IQCK: variants seen among roughly 807,000 people sequenced by gnomAD.
IQCK encodes IQ motif containing K.
IQCK carries 29 observed loss-of-function variants against 28.1 expected under a neutral mutation model. That is an observed-to-expected ratio of 1.03 (90% CI 0.77 to 1.41). IQCK has a LOEUF of 1.41. Ranked by LOEUF, IQCK falls within the 40% of genes most tolerant of loss-of-function variation. The pLI is 0.00. For synonymous variants in IQCK, 113 were observed against 115.1 expected (o/e 0.98, Z 0.12); for missense variants, 359 against 314.7 (o/e 1.14, Z -1.07).
At chr16:19,781,689 C>T (rs9933567) in intron 6 of IQCK, among the ~76,000 whole-genome samples, 51,995 of 152,040 alleles carry the variant, frequency 0.34, 13,929 homozygotes, top group African/African-American at 0.75. Flanking sequence ...AGTTTGTAAG[C>T]CAATAATGTG....
chr16:19,724,063 C>T (rs966311893), intron 1 of IQCK, among the ~76,000 whole-genome samples: 1 of 152,110 alleles, frequency 6.6e-6, no homozygotes, highest in African/African-American at 2.4e-5. Context: ...ACAAGCACTT[C>T]GGTACCACTG....
At chr16:19,856,315 A>G (rs1333046226) in intron 9 of IQCK, among the ~76,000 whole-genome samples, 172 bp from the exon 9 acceptor site, 1 of 152,210 alleles carries the variant, frequency 6.6e-6, no homozygotes, top group Non-Finnish European at 1.5e-5. Context: ...TTAGAGCACA[A>G]TGGGCCTGTG....
chr16:19,764,165 A>C (rs889238320), intron 6 of IQCK, 53 bp downstream of exon 6: 4 of 1,415,990 alleles, frequency 2.8e-6, no homozygotes, highest in Non-Finnish European at 3.9e-6. Context: ...AGATTGTGTT[A>C]ATAATACTTT....
At position 19,786,969 on chromosome 16, in the gene IQCK, C is replaced by G. The variant is rs9932938; in HGVS notation, c.606-1869C>G. Among the ~76,000 whole-genome samples, 205 of 77,712 alleles carry G rather than the reference C, an allele frequency of 2.6e-3. 3 individuals carry two copies. The African/African-American group carries it at 0.027, about 10-fold the overall frequency. The allele number at this position is 77,712 out of a possible 152,430, so 51.0% of individuals were successfully genotyped here. A position where few individuals can be genotyped will look rare whatever the true frequency, so the allele number is the denominator to read the frequency against. On this transcript the variant is annotated intron_variant, in intron 6 of 7. Transcript: ENST00000564186. Reference sequence around the variant, plus strand: ...GTCTCTTAGAAAGGACCTGTCCAGCCAGAAAATCAGAGCCTGGCAAAAGCA... The same window carrying G: ...GTCTCTTAGAAAGGACCTGTCCAGCGAGAAAATCAGAGCCTGGCAAAAGCA...
chr16:19,742,125 T>C (rs2054844770), intron 4 of IQCK, among the ~76,000 whole-genome samples: 2 of 152,130 alleles, frequency 1.3e-5, no homozygotes, highest in African/African-American at 4.8e-5. Flanking sequence ...CTCAGTTTCC[T>C]CAACTATTGA....
At chr16:19,747,059 A>G (rs888954610) in intron 4 of IQCK, among the ~76,000 whole-genome samples, 1 of 152,238 alleles carries the variant, frequency 6.6e-6, no homozygotes, top group Non-Finnish European at 1.5e-5. Flanking sequence ...CAGAAGGATC[A>G]TTGAGCTCAG....
At chr16:19,839,937 C>T (rs765000267) in intron 9 of IQCK, among the ~76,000 whole-genome samples, 14 of 151,392 alleles carry the variant, frequency 9.2e-5, no homozygotes, top group South Asian at 2.1e-4. Flanking sequence ...TTGAGGCTGC[C>T]GTGAGCTATG....
chr16:19,806,156 A>G (rs934472504), intron 7 of IQCK, among the ~76,000 whole-genome samples: 3 of 152,220 alleles, frequency 2.0e-5, no homozygotes, highest in African/African-American at 7.2e-5. Flanking sequence ...GGAAAAGCAC[A>G]TGCAAAGGCC....
At chr16:19,751,442 C>T (rs1164438003) in intron 4 of IQCK, among the ~76,000 whole-genome samples, 5 of 151,962 alleles carry the variant, frequency 3.3e-5, no homozygotes, top group African/African-American at 1.2e-4. Flanking sequence ...CACACCACTG[C>T]ACTCCAGCTT....
intron 2 of IQCK, among the ~76,000 whole-genome samples, chr16:19,730,715 G>GTCTATCTATCTA (rs60935548): frequency 1.3e-5 from 2 of 150,216 alleles, no homozygotes; most frequent in African/African-American, 5.0e-5. Flanking sequence ...GCGTTTGTCT[G>GTCTATCTATCTA]TCTATCTATC....
At position 19,807,887 on chromosome 16, in the gene IQCK, G is replaced by C. The variant is rs182530646; in HGVS notation, c.690+18965G>C. Among the ~76,000 whole-genome samples the C allele has an allele frequency of 1.3e-3, 204 of 152,270 alleles. 2 individuals carry two copies. Among genetic ancestry groups the C allele is most frequent in the Middle Eastern group, 0.01 (3 of 294 alleles). ...TATTAGCTCTGTATTGGCTGGGTCT[G>C]ATCCATGCATTTTCTCCCTAAGAAT... is the stretch of plus-strand genomic sequence containing the variant. On this transcript the variant is annotated intron_variant, in intron 7 of 7. Transcript: ENST00000564186.
At chr16:19,732,588 A>G (rs977391320) in intron 2 of IQCK, among the ~76,000 whole-genome samples, 4 of 152,166 alleles carry the variant, frequency 2.6e-5, no homozygotes, top group Non-Finnish European at 4.4e-5. Context: ...TTCCTCCCAA[A>G]GTACTGGGAC....
chr16:19,793,650 T>TG lies in IQCK; in HGVS notation c.690+4728_690+4729insG, dbSNP rs1275904690. On this transcript the variant is annotated intron_variant, in intron 7 of 7. Transcript: ENST00000564186. ...TATCGAAATCTCAGTTGGGTTTTTT[T>TG]TTTTTTTTTTTTTTTTTTTTTTTGT... is the stretch of plus-strand genomic sequence containing the variant. Among the ~76,000 whole-genome samples the TG allele has an allele frequency of 9.9e-4, 121 of 121,724 alleles. 4 individuals carry two copies. The highest frequency in any genetic ancestry group is 4.0e-3 in the African/African-American group (110 of 27,176). The allele number at this position is 121,724 out of a possible 152,430, so 79.9% of individuals were successfully genotyped here. A position where few individuals can be genotyped will look rare whatever the true frequency, so the allele number is the denominator to read the frequency against.
chr16:19,760,133 A>T (rs4780827), intron 4 of IQCK, among the ~76,000 whole-genome samples: 8 of 152,298 alleles, frequency 5.3e-5, no homozygotes, highest in Admixed American at 4.6e-4. Context: ...CTAAAATTTT[A>T]AAAAATATAT....
intron 7 of IQCK, among the ~76,000 whole-genome samples, chr16:19,823,085 T>G (rs1369648427): frequency 6.6e-6 from 1 of 152,052 alleles, no homozygotes; most frequent in Admixed American, 6.6e-5. Flanking sequence ...GTTTGTGTCC[T>G]AAGATGGTGG....
intron 1 of IQCK, among the ~76,000 whole-genome samples, chr16:19,721,066 A>G (rs1329384431): frequency 1.3e-5 from 2 of 152,184 alleles, no homozygotes; most frequent in Non-Finnish European, 2.9e-5. Flanking sequence ...ATACACATGG[A>G]CACTGTGATG....
chr16:19,761,494 T>C, intron 4 of IQCK: 1 of 445,730 alleles, frequency 2.2e-6, no homozygotes, highest in South Asian at 1.6e-5. Flanking sequence ...GCATCTTTCT[T>C]CTTGGGAAGG....
chr16:19,849,165 G>C (rs1263824511), intron 9 of IQCK, among the ~76,000 whole-genome samples: 1 of 151,632 alleles, frequency 6.6e-6, no homozygotes. Flanking sequence ...CTTTTAGAAA[G>C]TTTCCCCCAG....
At position 19,812,489 on chromosome 16, in the gene IQCK, AT is replaced by A. The variant is rs1214816561; in HGVS notation, c.691-14536del. On this transcript the variant is annotated intron_variant, in intron 7 of 7. Coordinates refer to ENST00000564186, the Ensembl canonical transcript of IQCK. ...TGCCTATTTTAAAAACATGTTTTCT[AT>A]GGGTGCTTTTGTACTATAATGTCAG... Among the ~76,000 whole-genome samples the A allele has an allele frequency of 6.6e-5, 10 of 152,288 alleles. No individual in the cohort carries two copies. In the South Asian group the frequency reaches 2.1e-3, roughly 32 times the overall value.
Sources: allele counts gnomAD v4.1 joint callset (sites outside exome capture counted in the v4.1 genomes callset), GRCh38; gene constraint gnomAD v4.1.1; transcripts MANE v1.5; gene names NCBI Gene and HGNC (gene_info 2026-07-23, HGNC 2026-07-21).